The following IFTAP variants were observed in gnomAD, a reference collection of about 807,000 sequenced individuals.
The protein encoded by IFTAP is intraflagellar transport-associated protein.
Under a neutral mutation model 19.4 loss-of-function variants are expected in IFTAP, and 19 were observed. That is an observed-to-expected ratio of 0.98 (90% confidence interval 0.68 to 1.44). The LOEUF (loss-of-function observed/expected upper bound fraction) is 1.44, where lower values mean the gene tolerates loss of function less well. Ranked by LOEUF, IFTAP falls within the 40% of genes most tolerant of loss-of-function variation. The pLI is 0.00. For synonymous variants in IFTAP, 85 were observed against 83.5 expected (o/e 1.02, Z -0.10); for missense variants, 240 against 253.6 (o/e 0.95, Z 0.36).
At chr11:36,646,803 A>G (rs997646970) in intron 4 of IFTAP, among the ~76,000 whole-genome samples, 1 of 152,168 alleles carries the variant, frequency 6.6e-6, no homozygotes, top group African/African-American at 2.4e-5. Flanking sequence ...GCTGAGCTAA[A>G]GCACATAAAA....
chr11:36,637,885 C>CTTTTT (rs11322653), intron 4 of IFTAP, among the ~76,000 whole-genome samples: 2 of 145,768 alleles, frequency 1.4e-5, no homozygotes, highest in African/African-American at 5.1e-5. Flanking sequence ...TTATGTCAAT[C>CTTTTT]TTTTTTTTTT....
intron 1 of IFTAP, among the ~76,000 whole-genome samples, chr11:36,601,063 A>G (rs1354670544): frequency 6.6e-6 from 1 of 152,224 alleles, no homozygotes; most frequent in Non-Finnish European, 1.5e-5. Flanking sequence ...CAAGAAATGT[A>G]GTGCATCTCT....
rs114455208 is a variant in IFTAP at position 36,622,596 on chromosome 11, C to G, written c.137-10688C>G. On this transcript the variant is annotated intron_variant, in intron 2 of 5. Transcript: ENST00000334307. The stretch of plus-strand genomic sequence containing the variant: ...AGACCACAGGCCTGTCACTTACTCT[C>G]TGAATCTGTAAATCAGGGCTAATTC... Among the ~76,000 whole-genome samples the G allele has an allele frequency of 9.3e-3, 1,413 of 152,190 alleles. 24 individuals carry two copies. The highest frequency in any genetic ancestry group is 0.032 in the African/African-American group (1,325 of 41,538).
chr11:36,606,279 C>T (rs985450543), intron 1 of IFTAP, among the ~76,000 whole-genome samples: 3 of 151,940 alleles, frequency 2.0e-5, no homozygotes, highest in Admixed American at 6.6e-5. Context: ...CCCAACATGG[C>T]GAAACCCCAT....
chr11:36,654,506 C>T (rs1853889825), intron 5 of IFTAP, among the ~76,000 whole-genome samples: 2 of 152,054 alleles, frequency 1.3e-5, no homozygotes, highest in Non-Finnish European at 2.9e-5. Flanking sequence ...TTTTCCCCGA[C>T]TCCTTTGGGT....
At chr11:36,611,270 A>G (rs1324010545) in intron 2 of IFTAP, among the ~76,000 whole-genome samples, 3 of 152,026 alleles carry the variant, frequency 2.0e-5, no homozygotes, top group African/African-American at 7.2e-5. Context: ...ATTGATCCAC[A>G]TTTTTGAGAC....
chr11:36,636,927 T>G (rs963846146), intron 4 of IFTAP, among the ~76,000 whole-genome samples: 1 of 144,444 alleles, frequency 6.9e-6, no homozygotes, highest in South Asian at 2.1e-4. Flanking sequence ...CAGGAAGTTT[T>G]TTTTTTTTTT....
intron 4 of IFTAP, among the ~76,000 whole-genome samples, chr11:36,637,503 C>T (rs1412409309): frequency 6.6e-6 from 1 of 152,060 alleles, no homozygotes; most frequent in Non-Finnish European, 1.5e-5. Context: ...TGTCAGGAAG[C>T]TACATTTGTA....
chr11:36,632,612 A>G (rs755751293), intron 2 of IFTAP, among the ~76,000 whole-genome samples: 8 of 151,424 alleles, frequency 5.3e-5, no homozygotes, highest in Non-Finnish European at 1.2e-4. Context: ...TGGATTTAGT[A>G]CAAAGATATT....
chr11:36,600,247 A>G (rs1200213423), intron 1 of IFTAP, among the ~76,000 whole-genome samples: 1 of 152,250 alleles, frequency 6.6e-6, no homozygotes, highest in Non-Finnish European at 1.5e-5. Context: ...ATTAGAAAAA[A>G]AATCAGACAC....
chr11:36,612,282 T>G (rs1336935575), intron 2 of IFTAP, among the ~76,000 whole-genome samples: 1 of 150,558 alleles, frequency 6.6e-6, no homozygotes, highest in East Asian at 1.9e-4. Context: ...CACTAGTTGT[T>G]TTTTTTTTTC....
chr11:36,616,276 T>G (rs947041952), intron 2 of IFTAP, among the ~76,000 whole-genome samples: 2 of 151,976 alleles, frequency 1.3e-5, no homozygotes, highest in Non-Finnish European at 2.9e-5. Context: ...TCTGTGTAGA[T>G]CAAAGATTTT....
intron 2 of IFTAP, among the ~76,000 whole-genome samples, chr11:36,616,173 T>A (rs1004438582): frequency 2.6e-5 from 4 of 151,988 alleles, no homozygotes; most frequent in African/African-American, 9.7e-5. Context: ...ATGCCTAGGA[T>A]CCAGCTTTCC....
chr11:36,597,125 A>G (rs872814), intron 1 of IFTAP, among the ~76,000 whole-genome samples: 5,877 of 152,316 alleles, frequency 0.039, 369 homozygotes, highest in African/African-American at 0.13. Context: ...CACTTTAACC[A>G]GATGATGTAT....
chr11:36,597,331 CTAAAA>C (rs1405887520), intron 1 of IFTAP, among the ~76,000 whole-genome samples: 1 of 152,128 alleles, frequency 6.6e-6, no homozygotes, highest in Non-Finnish European at 1.5e-5. Context: ...TATACTATAT[CTAAAA>C]TAACCTACTG....
intron 1 of IFTAP, among the ~76,000 whole-genome samples, chr11:36,596,075 A>G (rs986443758): frequency 3.9e-5 from 6 of 152,218 alleles, no homozygotes; most frequent in African/African-American, 1.4e-4. Flanking sequence ...CGTGTAAATC[A>G]CATAGAACAG....
intron 2 of IFTAP, among the ~76,000 whole-genome samples, chr11:36,624,005 A>T (rs34807511): frequency 0.22 from 32,858 of 151,814 alleles, 4,670 homozygotes; most frequent in Non-Finnish European, 0.32. Context: ...GTATATATAT[A>T]TTTTTTTCCT....
intron 4 of IFTAP, among the ~76,000 whole-genome samples, chr11:36,640,208 A>G (rs948916607): frequency 6.6e-6 from 1 of 152,198 alleles, no homozygotes; most frequent in Non-Finnish European, 1.5e-5. Context: ...TTTGCATTGA[A>G]GTTGGAAAAG....
chr11:36,656,251 T>C lies in IFTAP; in HGVS notation c.499-2768T>C, dbSNP rs1157800129. On this transcript the variant is annotated intron_variant, in intron 5 of 5. Transcript: ENST00000334307. Reference sequence around the variant, plus strand: ...GTGATGTGTGGGGAGGCTAGTAGGATTTTCTGGAGACTGGCAAAACTCAAT... The same window carrying C: ...GTGATGTGTGGGGAGGCTAGTAGGACTTTCTGGAGACTGGCAAAACTCAAT... Among the ~76,000 whole-genome samples, 4 of 152,174 alleles carry C rather than the reference T, an allele frequency of 2.6e-5. 1 individual carries two copies. The Middle Eastern group carries it at 0.01, about 388-fold the overall frequency.
Sources: allele counts gnomAD v4.1 joint callset (sites outside exome capture counted in the v4.1 genomes callset), GRCh38; gene constraint gnomAD v4.1.1; transcripts MANE v1.5; gene names NCBI Gene and HGNC (gene_info 2026-07-23, HGNC 2026-07-21).